The following LMTK2 variants were observed in gnomAD, a reference collection of about 807,000 sequenced individuals.
The protein encoded by LMTK2 is serine/threonine-protein kinase LMTK2.
In LMTK2, 37 loss-of-function variants were observed where a neutral mutation model predicts 127.5. The observed-to-expected ratio is 0.29, with a 90% CI of 0.22 to 0.38. LMTK2 has a LOEUF of 0.38. Ranked by LOEUF, LMTK2 falls within the 10% of genes least tolerant of loss-of-function variation. The pLI, the probability that LMTK2 is intolerant of heterozygous loss-of-function variation, is 1.00. For missense variants in LMTK2, 1,694 were observed against 1,920.3 expected (o/e 0.88, Z 2.20); for synonymous variants, 819 against 810.1 (o/e 1.01, Z -0.19).
intron 5 of LMTK2, among the ~76,000 whole-genome samples, chr7:98,157,639 T>C (rs1380409612): frequency 1.0e-5 from 1 of 96,408 alleles, no homozygotes; most frequent in Non-Finnish European, 1.8e-5. Flanking sequence ...TGCTCCCACA[T>C]TAAAAAAAAA....
rs1797861070 is a variant in LMTK2, at chr7:98,209,580, T to C, written c.*4088T>C. ...GCATAGTGTGATTCAATAAATTGCT[T>C]GTAATTTAAAAACTATTTAATATTC... is the stretch of plus-strand genomic sequence containing the variant. On this transcript the variant is annotated 3_prime_UTR_variant, in exon 14 of 14. Transcript: ENST00000297293. The C allele has an allele frequency of 6.6e-6, 1 of 152,224 alleles. No homozygotes were observed. The highest frequency in any genetic ancestry group is 2.4e-5 in the African/African-American group (1 of 41,462). 9.4% of individuals were successfully genotyped at this position (152,224 alleles called of 1,614,324 possible).
chr7:98,197,823 C>CA (rs1797650480), intron 11 of LMTK2, among the ~76,000 whole-genome samples: 1 of 152,160 alleles, frequency 6.6e-6, no homozygotes, highest in Non-Finnish European at 1.5e-5. Flanking sequence ...GCCGGGATGG[C>CA]AGAGTGAGAC....
In LMTK2 at chr7:98,204,101, G is replaced by A. The variant is rs777806258; in HGVS notation, c.4398G>A (p.Ala1466=). 61 of 1,613,046 alleles carry A rather than the reference G, an allele frequency of 3.8e-5. No individual in the cohort carries two copies. The highest frequency in any genetic ancestry group is 6.7e-5 in the African/African-American group (5 of 74,924). The change falls in exon 13 of 14, where the codon GCG becomes GCA. Residue 1466 remains alanine, a synonymous_variant. Coordinates refer to ENST00000297293, the MANE Select transcript of LMTK2 (RefSeq NM_014916.4). ...RSTEQSWPHS[A]PYSRFSISPA... ...CGGAGCAGAGCTGGCCGCACTCGGCGCCTTACTCCCGGTTCTCCATCTCTC... is the reference window on the plus strand; with the variant it reads ...CGGAGCAGAGCTGGCCGCACTCGGCACCTTACTCCCGGTTCTCCATCTCTC...
chr7:98,168,661 C>T (rs1797139071), intron 6 of LMTK2, among the ~76,000 whole-genome samples: 1 of 152,058 alleles, frequency 6.6e-6, no homozygotes, highest in African/African-American at 2.4e-5. Flanking sequence ...TATATAAAGC[C>T]CTCCCTGGCC....
chr7:98,133,035 G>A (rs1415061419), intron 1 of LMTK2, among the ~76,000 whole-genome samples: 7 of 152,170 alleles, frequency 4.6e-5, no homozygotes, highest in Non-Finnish European at 8.8e-5. Flanking sequence ...TCTGCTTATT[G>A]AATCAAGTTC....
At chr7:98,198,984 T>C (rs1797671144) in intron 11 of LMTK2, among the ~76,000 whole-genome samples, 1 of 152,176 alleles carries the variant, frequency 6.6e-6, no homozygotes, top group South Asian at 2.1e-4. Context: ...TAATATAGTT[T>C]AATAAGTATA....
Position 98,192,254 on chromosome 7 carries a change from C to A in LMTK2, c.1789C>A (p.Leu597Ile). Residue 597 changes from leucine to isoleucine, a missense_variant, in exon 11 of 14, where the codon CTT becomes ATT. By Grantham distance (5) the Leu-to-Ile change is conservative. Transcript: ENST00000297293. ...SQLTALRSVE[L>I]EESSTDEDFF... ...GCTCACGGCGCTCAGGAGCGTTGAACTTGAGGAGTCCAGTACAGATGAGGA... is the reference window on the plus strand; with the variant it reads ...GCTCACGGCGCTCAGGAGCGTTGAAATTGAGGAGTCCAGTACAGATGAGGA... 1 of 1,525,660 alleles carries A rather than the reference C, an allele frequency of 6.6e-7. No homozygotes were observed. Among genetic ancestry groups the A allele is most frequent in the Non-Finnish European group, 8.8e-7 (1 of 1,140,972 alleles). 94.5% of individuals were successfully genotyped at this position (1,525,660 alleles called of 1,614,324 possible).
At chr7:98,127,105 A>C (rs930744566) in intron 1 of LMTK2, among the ~76,000 whole-genome samples, 1 of 152,244 alleles carries the variant, frequency 6.6e-6, no homozygotes, top group African/African-American at 2.4e-5. Flanking sequence ...TGGCAAAGAA[A>C]ACACTTTGTG....
chr7:98,107,930 T>C (rs1307717167), intron 1 of LMTK2, among the ~76,000 whole-genome samples: 1 of 152,130 alleles, frequency 6.6e-6, no homozygotes, highest in Non-Finnish European at 1.5e-5. Context: ...TATGATTTTC[T>C]TTTCTCCCCC....
intron 1 of LMTK2, among the ~76,000 whole-genome samples, chr7:98,117,661 A>AGT (rs1796306435): frequency 2.0e-5 from 3 of 152,092 alleles, no homozygotes; most frequent in Admixed American, 2.0e-4. Context: ...CTGATTGGAG[A>AGT]GTGATATGAG....
At chr7:98,196,712 T>C (rs1056120374) in intron 11 of LMTK2, among the ~76,000 whole-genome samples, 1 of 152,170 alleles carries the variant, frequency 6.6e-6, no homozygotes, top group Non-Finnish European at 1.5e-5. Flanking sequence ...TTTCTGACTT[T>C]AGAAGACAGA....
At chr7:98,126,437 C>T (rs1196689313) in intron 1 of LMTK2, 3 of 152,216 alleles carry the variant, frequency 2.0e-5, no homozygotes, top group Non-Finnish European at 2.9e-5. Context: ...GAGTGTGGAA[C>T]CACCATTCAA....
chr7:98,191,022 G>A, intron 10 of LMTK2, 145 bp downstream of exon 10: 1 of 764,026 alleles, frequency 1.3e-6, no homozygotes, highest in Non-Finnish European at 2.1e-6. Context: ...ACTTAATGTG[G>A]TTGGCAGTGA....
Position 98,202,935 on chromosome 7 carries a change from C to T in LMTK2, c.4108-639C>T, listed in dbSNP as rs565329084. Among the ~76,000 whole-genome samples the T allele has an allele frequency of 3.1e-4, 47 of 152,262 alleles. No individual in the cohort carries two copies. The South Asian group carries it at 6.0e-3, about 19-fold the overall frequency. On this transcript the variant is annotated intron_variant, in intron 11 of 13. Coordinates refer to ENST00000297293, the MANE Select transcript of LMTK2 (RefSeq NM_014916.4). ...ATGTGCCATACTTCCTGCAATCGCA[C>T]GCGCATCTGGAGCCAAGCAGTGGGA...
intron 6 of LMTK2, among the ~76,000 whole-genome samples, chr7:98,161,633 G>T (rs916451945): frequency 2.6e-5 from 4 of 152,096 alleles, no homozygotes; most frequent in African/African-American, 7.2e-5. Context: ...CGGTTTTGAT[G>T]ATCTCGATAT....
intron 1 of LMTK2, among the ~76,000 whole-genome samples, chr7:98,109,304 C>T (rs1447055943): frequency 6.6e-6 from 1 of 152,150 alleles, no homozygotes; most frequent in Admixed American, 6.5e-5. Context: ...TCTTGACATA[C>T]ATATAGCATA....
At chr7:98,181,048 T>C (rs1266057504) in intron 7 of LMTK2, among the ~76,000 whole-genome samples, 1 of 152,024 alleles carries the variant, frequency 6.6e-6, no homozygotes, top group African/African-American at 2.4e-5. Context: ...AGTATCAAGA[T>C]AAAAGTGTGG....
chr7:98,138,894 AG>A, intron 2 of LMTK2, among the ~76,000 whole-genome samples: 1 of 152,312 alleles, frequency 6.6e-6, no homozygotes, highest in South Asian at 2.1e-4. Flanking sequence ...CAGGGGCCGC[AG>A]TGTCTTAGAG....
chr7:98,184,508 T>C (rs759633955), intron 7 of LMTK2, among the ~76,000 whole-genome samples: 2 of 152,154 alleles, frequency 1.3e-5, no homozygotes, highest in Non-Finnish European at 1.5e-5. Flanking sequence ...TACTCTAACA[T>C]ACCTATGAGC....
Sources: allele counts gnomAD v4.1 joint callset (sites outside exome capture counted in the v4.1 genomes callset), GRCh38; gene constraint gnomAD v4.1.1; transcripts MANE v1.5; gene names NCBI Gene and HGNC (gene_info 2026-07-23, HGNC 2026-07-21).